The following RHAG variants were observed in gnomAD, a reference collection of about 807,000 sequenced individuals.
RHAG encodes the protein Rh associated glycoprotein.
In RHAG, 25 loss-of-function variants were observed where a neutral mutation model predicts 42.4. That is an observed-to-expected ratio of 0.59 (90% CI 0.43 to 0.82). RHAG has a LOEUF of 0.82. RHAG is among the 40% of genes least tolerant of loss of function. The pLI is 0.00. For synonymous variants in RHAG, 182 were observed against 177.7 expected, an observed-to-expected ratio of 1.02 and a Z score of -0.19; for missense variants, 483 against 504.6, an observed-to-expected ratio of 0.96 and a Z score of 0.41.
In RHAG at chr6:49,618,241, TGAAGA is replaced by T. The variant is rs779616337; in HGVS notation, c.342-28_342-24del. ...ATGCTGAAGGGAAACAAGAATAAAT[TGAAGA>T]GTAATGCACACCCAACATAAAACTG... is the stretch of plus-strand genomic sequence containing the variant. On this transcript the variant is annotated intron_variant, in intron 2 of 9. Transcript: ENST00000371175. 1.9e-6 allele frequency: 3 copies of T among 1,613,708 alleles called. No homozygotes were observed. The African/African-American group carries it at 4.0e-5, about 22-fold the overall frequency.
At chr6:49,624,920 A>G (rs781245673) in intron 1 of RHAG, among the ~76,000 whole-genome samples, 1 of 152,198 alleles carries the variant, frequency 6.6e-6, no homozygotes, top group Non-Finnish European at 1.5e-5. Flanking sequence ...AAAACCCCCC[A>G]TATTATCAGC....
In RHAG at chr6:49,619,333, C is replaced by G. The variant is rs778934246; in HGVS notation, c.187G>C (p.Val63Leu). Residue 63 changes from valine (V) to leucine (L), a missense_variant, in exon 2 of 10, where the codon GTT becomes CTT. By Grantham distance (32) the Val-to-Leu change is conservative. Transcript: ENST00000371175. Reference sequence around the variant, plus strand: ...AAGGTCATGAGGAAGCCAAACCCAACAAATATCATAACATGTACATCTTGG... The same window carrying G: ...AAGGTCATGAGGAAGCCAAACCCAAGAAATATCATAACATGTACATCTTGG... ...LFQDVHVMIF[V>L]GFGFLMTFLK... is the part of the protein sequence containing the mutation. 4.9e-5 allele frequency: 79 copies of G among 1,613,880 alleles called. No homozygotes were observed. In the Admixed American group the frequency reaches 1.3e-3, roughly 26 times the overall value.
chr6:49,629,562 T>C (rs969895988), intron 1 of RHAG, among the ~76,000 whole-genome samples: 9 of 152,088 alleles, frequency 5.9e-5, no homozygotes, highest in Non-Finnish European at 1.2e-4. Context: ...TCCTCAGCCC[T>C]TGGGTGGTCG....
rs764036282 is a variant in RHAG, at chr6:49,605,860, A to G, written c.1213-30T>C. Reference sequence around the variant, plus strand: ...AAAAAAACAAGTTTGAGGGCACTTAATAGTTTATTTCACTGTTCTTGTCAG... The same window carrying G: ...AAAAAAACAAGTTTGAGGGCACTTAGTAGTTTATTTCACTGTTCTTGTCAG... On this transcript the variant is annotated intron_variant, in intron 9 of 9. Transcript: ENST00000371175. 2.5e-6 allele frequency: 4 copies of G among 1,587,500 alleles called. No individual in the cohort carries two copies. In the African/African-American group the frequency reaches 5.4e-5, roughly 21 times the overall value.
At position 49,614,865 on chromosome 6, in the gene RHAG, C is replaced by A. The variant is rs1053967919; in HGVS notation, c.641-12G>T. The A allele has an allele frequency of 1.2e-6, 2 of 1,613,562 alleles. No homozygotes were observed. The highest frequency in any genetic ancestry group is 1.7e-6 in the Non-Finnish European group (2 of 1,179,480). On this transcript the variant is annotated splice_polypyrimidine_tract_variant and intron_variant, in intron 4 of 9. Transcript: ENST00000371175. ...CAGAAAGAGAGTCCCTGTAGTGAAC[C>A]AAAAGAGGGGATATTAGTTCTGAAT...
chr6:49,606,217 A>G (rs533230318), intron 9 of RHAG, among the ~76,000 whole-genome samples: 25 of 152,270 alleles, frequency 1.6e-4, no homozygotes, highest in Admixed American at 1.5e-3. Flanking sequence ...TATATATTTC[A>G]CTTGCTTTTG....
chr6:49,622,310 G>A lies in RHAG; in HGVS notation c.158-2948C>T, dbSNP rs187246476. On this transcript the variant is annotated intron_variant, in intron 1 of 9. Transcript: ENST00000371175. ...TGGCTCACTGCAAGCTCCACCTCCC[G>A]GGCTCAAGTGATTCTCCTGTCTCAG... Among the ~76,000 whole-genome samples the A allele has an allele frequency of 8.7e-5, 13 of 149,812 alleles. No individual in the cohort carries two copies. The East Asian group carries it at 2.0e-3, about 23-fold the overall frequency.
At chr6:49,622,432 G>A (rs751685089) in intron 1 of RHAG, among the ~76,000 whole-genome samples, 2 of 152,060 alleles carry the variant, frequency 1.3e-5, no homozygotes, top group Non-Finnish European at 1.5e-5. Context: ...GGCTGGTCTC[G>A]AACTCCTGAC....
intron 8 of RHAG, 104 bp from the exon 9 acceptor site, chr6:49,607,025 A>G (rs560857818): frequency 3.1e-5 from 37 of 1,200,028 alleles, no homozygotes; most frequent in Non-Finnish European, 3.9e-5. Context: ...TTTAAATGAC[A>G]TAATTACTTT....
At chr6:49,621,482 C>T (rs986591848) in intron 1 of RHAG, among the ~76,000 whole-genome samples, 1 of 152,290 alleles carries the variant, frequency 6.6e-6, no homozygotes, top group Non-Finnish European at 1.5e-5. Context: ...AATTCTTTCC[C>T]TCAGGTGTTG....
At chr6:49,615,554 C>A in intron 4 of RHAG, 70 bp downstream of exon 4, 1 of 1,551,056 alleles carries the variant, frequency 6.4e-7, no homozygotes, top group South Asian at 1.1e-5. Flanking sequence ...ATCTCACACC[C>A]TTGTTGAAGT....
chr6:49,607,368 T>C (rs1762493483), intron 7 of RHAG, 148 bp from the exon 8 acceptor site: 1 of 714,156 alleles, frequency 1.4e-6, no homozygotes, highest in African/African-American at 1.8e-5. Flanking sequence ...CAATTTTTCT[T>C]TCATATTCTT....
Position 49,615,614 on chromosome 6 carries a change from C to T in RHAG, c.640+10G>A, listed in dbSNP as rs746229022. On this transcript the variant is annotated intron_variant, in intron 4 of 9. Coordinates refer to ENST00000371175, the MANE Select transcript of RHAG (RefSeq NM_000324.3). Reference sequence around the variant, plus strand: ...ATAGATAAGATTCAAGCAAGTTTATCCACACTCACCAATCATTGCAAACAA... The same window carrying T: ...ATAGATAAGATTCAAGCAAGTTTATTCACACTCACCAATCATTGCAAACAA... 1.2e-5 allele frequency: 19 copies of T among 1,613,372 alleles called. No homozygotes were observed. In the East Asian group the frequency reaches 2.7e-4, roughly 23 times the overall value.
At chr6:49,608,500 C>G (rs931178715) in intron 7 of RHAG, among the ~76,000 whole-genome samples, 1 of 152,132 alleles carries the variant, frequency 6.6e-6, no homozygotes, top group Non-Finnish European at 1.5e-5. Context: ...GACTCAGCCT[C>G]GCAAGTAGCT....
chr6:49,611,033 G>T lies in RHAG; in HGVS notation c.1058C>A (p.Ala353Asp). 2.5e-6 allele frequency: 4 copies of T among 1,613,816 alleles called. No individual in the cohort carries two copies. Among genetic ancestry groups the T allele is most frequent in the Non-Finnish European group, 3.4e-6 (4 of 1,179,816 alleles). Residue 353 changes from alanine (A) to aspartate (D), a missense_variant, in exon 7 of 10, where the codon GCC becomes GAC. By Grantham distance (126) the Ala-to-Asp change is moderately radical. Coordinates refer to ENST00000371175, the MANE Select transcript of RHAG (RefSeq NM_000324.3). ...CCATTCTTTTACTCACGTGTTGGAG[G>T]CGCCCATTGCTACTGCCACAATGCC... ...LAGIVAVAMG[A>D]SNTSMAMQAA...
chr6:49,620,574 C>T (rs1762738437), intron 1 of RHAG, among the ~76,000 whole-genome samples: 2 of 152,028 alleles, frequency 1.3e-5, no homozygotes, highest in African/African-American at 2.4e-5. Context: ...CTCTGTCTCC[C>T]AGGATGGAGT....
chr6:49,626,894 T>C (rs1762852962), intron 1 of RHAG, among the ~76,000 whole-genome samples: 1 of 152,262 alleles, frequency 6.6e-6, no homozygotes, highest in Admixed American at 6.5e-5. Context: ...TTGCACCCGC[T>C]GAAGAAACAG....
chr6:49,636,629 A>G (rs201728013), intron 1 of RHAG, 27 bp downstream of exon 1: 33 of 1,612,300 alleles, frequency 2.0e-5, no homozygotes, highest in Non-Finnish European at 2.7e-5. Flanking sequence ...CGAAAAATGT[A>G]TAGTAAGTAG....
intron 7 of RHAG, among the ~76,000 whole-genome samples, chr6:49,610,253 G>A (rs1480618): frequency 0.36 from 54,210 of 151,880 alleles, 10,186 homozygotes; most frequent in East Asian, 0.57. Context: ...AAAAAATTGA[G>A]CATTCTGATT....
Sources: allele counts gnomAD v4.1 joint callset (sites outside exome capture counted in the v4.1 genomes callset), GRCh38; gene constraint gnomAD v4.1.1; transcripts MANE v1.5; gene names NCBI Gene and HGNC (gene_info 2026-07-23, HGNC 2026-07-21).